The following KATNIP variants were observed in gnomAD, a reference collection of about 807,000 sequenced individuals.
The protein encoded by KATNIP is katanin interacting protein.
A neutral mutation model predicts 174.0 loss-of-function variants in KATNIP; 126 were observed. The ratio of observed to expected loss-of-function variants is 0.72; its 90% CI spans 0.63 to 0.84. The LOEUF (loss-of-function observed/expected upper bound fraction) is 0.84. KATNIP is among the 40% of genes least tolerant of loss of function. The pLI is 0.00. For missense variants in KATNIP, 1,958 were observed against 2,109.7 expected, an observed-to-expected ratio of 0.93 and a Z score of 1.41; for synonymous variants, 810 against 835.7, an observed-to-expected ratio of 0.97 and a Z score of 0.53.
In KATNIP at chr16:27,721,687, G is replaced by C. The variant is rs760500577; in HGVS notation, c.1735G>C (p.Ala579Pro). The change falls in exon 14 of 28, where the codon GCT becomes CCT. Residue 579 changes from alanine (A) to proline (P), a missense_variant. Around this residue, in one of 3 missense-constraint regions of KATNIP, gnomAD observed 1,557 missense variants for 1,617.8 expected, o/e 0.96. Coordinates refer to ENST00000261588, the MANE Select transcript of KATNIP (RefSeq NM_015202.5). ...GATCAAGGTTCGGAATTACTGGACAGCTGATGGCGTAAGTAACAGGCGCTG... is the reference window on the plus strand; with the variant it reads ...GATCAAGGTTCGGAATTACTGGACACCTGATGGCGTAAGTAACAGGCGCTG... Reference protein sequence around the residue: ...AKIKVRNYWTADGDLDIGAKN... With the variant: ...AKIKVRNYWTPDGDLDIGAKN... The C allele has an allele frequency of 6.2e-7, 1 of 1,613,916 alleles. No homozygotes were observed. The highest frequency in any genetic ancestry group is 1.1e-5 in the South Asian group (1 of 91,086).
intron 2 of KATNIP, among the ~76,000 whole-genome samples, chr16:27,611,184 T>C (rs1174044815): frequency 1.3e-5 from 2 of 152,110 alleles, no homozygotes; most frequent in African/African-American, 4.8e-5. Context: ...ATTTACAGAG[T>C]CTATACAGGC....
chr16:27,581,992 T>C (rs1307457176), intron 2 of KATNIP, among the ~76,000 whole-genome samples: 1 of 152,200 alleles, frequency 6.6e-6, no homozygotes, highest in Admixed American at 6.5e-5. Context: ...TACTCATTGA[T>C]TGGTGGGCAT....
chr16:27,622,090 A>C (rs1323053450), intron 3 of KATNIP, among the ~76,000 whole-genome samples: 1 of 152,042 alleles, frequency 6.6e-6, no homozygotes, highest in Non-Finnish European at 1.5e-5. Context: ...CGGTGGAGTC[A>C]GTTTCATGGA....
intron 13 of KATNIP, among the ~76,000 whole-genome samples, chr16:27,710,923 C>T (rs1421398587): frequency 6.6e-6 from 1 of 152,074 alleles, no homozygotes. Flanking sequence ...TCTAGAGACC[C>T]AGATTCTGGT....
chr16:27,632,512 G>A (rs2142177733), intron 5 of KATNIP: 1 of 429,710 alleles, frequency 2.3e-6, no homozygotes, highest in African/African-American at 2.0e-5. Flanking sequence ...TCTGAGGGTG[G>A]AGGTTTTGGC....
At chr16:27,662,478 AT>A (rs1307601972) in intron 6 of KATNIP, among the ~76,000 whole-genome samples, 5 of 152,056 alleles carry the variant, frequency 3.3e-5, no homozygotes, top group Admixed American at 3.3e-4. Context: ...GGCTTGTGGC[AT>A]TAGAAAGGGC....
chr16:27,655,374 C>G (rs2077247540), intron 6 of KATNIP, among the ~76,000 whole-genome samples: 1 of 150,410 alleles, frequency 6.6e-6, no homozygotes, highest in East Asian at 1.9e-4. Context: ...GCTGGGGTTA[C>G]AGGTACGCAC....
intron 8 of KATNIP, among the ~76,000 whole-genome samples, chr16:27,692,039 A>G (rs971464724): frequency 6.6e-6 from 1 of 152,224 alleles, no homozygotes; most frequent in African/African-American, 2.4e-5. Flanking sequence ...TCTTGCCCAA[A>G]GATTGGCAGT....
At chr16:27,704,109 C>T (rs2079204496) in intron 12 of KATNIP, 111 bp downstream of exon 12, 1 of 810,494 alleles carries the variant, frequency 1.2e-6, no homozygotes, top group East Asian at 2.6e-5. Context: ...ATCTCTCTGC[C>T]TGTGTTTCCA....
At chr16:27,675,500 C>T (rs905796558) in intron 6 of KATNIP, among the ~76,000 whole-genome samples, 2 of 152,050 alleles carry the variant, frequency 1.3e-5, no homozygotes, top group African/African-American at 4.8e-5. Flanking sequence ...ATTTTAAAGC[C>T]CAGCTGGGCA....
chr16:27,553,690 G>T (rs2089489656), intron 1 of KATNIP, among the ~76,000 whole-genome samples: 1 of 152,108 alleles, frequency 6.6e-6, no homozygotes, highest in African/African-American at 2.4e-5. Context: ...ATAAATAATA[G>T]TCAGGCATGG....
At chr16:27,640,627 C>T (rs1382533524) in intron 5 of KATNIP, among the ~76,000 whole-genome samples, 1 of 152,006 alleles carries the variant, frequency 6.6e-6, no homozygotes, top group African/African-American at 2.4e-5. Flanking sequence ...AACACATTCT[C>T]CCATTATGTG....
rs1489949840 is a variant in KATNIP at position 27,749,565 on chromosome 16, C to T, written c.2624-19C>T. On this transcript the variant is annotated intron_variant, in intron 15 of 27. Transcript: ENST00000261588. ...ATGCCACTCACAGGGCTTCCCCCCT[C>T]TTGTGTCCTTTCTTCCAGAAGACAC... is the stretch of plus-strand genomic sequence containing the variant. The T allele has an allele frequency of 6.6e-7, 1 of 1,523,186 alleles. No individual in the cohort carries two copies. Among genetic ancestry groups the T allele is most frequent in the Admixed American group, 2.2e-5 (1 of 45,808 alleles). 94.4% of individuals were successfully genotyped at this position (1,523,186 alleles called of 1,614,324 possible).
At chr16:27,666,147 T>C (rs974619314) in intron 6 of KATNIP, among the ~76,000 whole-genome samples, 6 of 152,170 alleles carry the variant, frequency 3.9e-5, no homozygotes, top group African/African-American at 1.2e-4. Flanking sequence ...GCCCATCTAC[T>C]TCCTGAGTTC....
intron 14 of KATNIP, among the ~76,000 whole-genome samples, chr16:27,732,732 G>T (rs916965835): frequency 6.6e-6 from 1 of 152,192 alleles, no homozygotes; most frequent in Non-Finnish European, 1.5e-5. Flanking sequence ...TCCATATCTC[G>T]ATAGACCTAC....
chr16:27,677,933 G>A lies in KATNIP; in HGVS notation c.745G>A (p.Glu249Lys). ...AGATGTTCACGGGGAACAGGAGACA[G>A]AAGGACGCTCTTCTCCAGGCCCAGA... ...QKDVHGEQETEGRSSPGPDTL... is the reference protein window; with the variant it reads ...QKDVHGEQETKGRSSPGPDTL... The change falls in exon 7 of 28, where the codon GAA (glutamate) becomes AAA (lysine). Residue 249 changes from glutamate to lysine, a missense_variant. Transcript: ENST00000261588. 1 of 1,614,192 alleles carries A rather than the reference G, an allele frequency of 6.2e-7. No individual in the cohort carries two copies. The highest frequency in any genetic ancestry group is 1.1e-5 in the South Asian group (1 of 91,088).
chr16:27,751,183 T>C (rs959074904), intron 16 of KATNIP, among the ~76,000 whole-genome samples: 4 of 152,154 alleles, frequency 2.6e-5, no homozygotes, highest in African/African-American at 9.7e-5. Flanking sequence ...GGAGTGCTCC[T>C]AGGAGAAACC....
At position 27,777,163 on chromosome 16, in the gene KATNIP, T is replaced by G; in HGVS notation, c.4551+134T>G. ...TCAACACAAATGCCTGGTCGTCAGA[T>G]GCAGGCGAATTTCCCACCCAACCAT... On this transcript the variant is annotated intron_variant, in intron 25 of 27. Transcript: ENST00000261588. This position sits in a 1 kb window ranked among gnomAD's most constrained non-coding sequence, Gnocchi z 4.4. 1 of 647,514 alleles carries G rather than the reference T, an allele frequency of 1.5e-6. No individual in the cohort carries two copies. Among genetic ancestry groups the G allele is most frequent in the South Asian group, 1.9e-5 (1 of 53,774 alleles). The allele number at this position is 647,514 out of a possible 1,614,324, so 40.1% of individuals were successfully genotyped here.
At chr16:27,778,453 G>C in intron 27 of KATNIP, 121 bp from the exon 28 acceptor site, 1 of 968,790 alleles carries the variant, frequency 1.0e-6, no homozygotes, top group Non-Finnish European at 1.6e-6. Flanking sequence ...CCCGAGAGCA[G>C]GGACTTTTCC....
Sources: allele counts gnomAD v4.1 joint callset (sites outside exome capture counted in the v4.1 genomes callset), GRCh38; gene constraint gnomAD v4.1.1; regional missense constraint gnomAD v4.1.1; non-coding constraint Gnocchi (gnomAD v3.1); transcripts MANE v1.5; gene names NCBI Gene and HGNC (gene_info 2026-07-23, HGNC 2026-07-21).